SEC22A: variants seen among roughly 807,000 people sequenced by gnomAD.
The protein encoded by SEC22A is vesicle-trafficking protein SEC22a.
A neutral mutation model predicts 35.3 loss-of-function variants in SEC22A; 22 were observed. The observed-to-expected ratio is 0.62, with a 90% CI of 0.45 to 0.89. The LOEUF (loss-of-function observed/expected upper bound fraction) is 0.89, where lower values mean the gene tolerates loss of function less well. Among genes scored for constraint, SEC22A ranks in the 40% least tolerant of loss-of-function variants. SEC22A has a pLI of 0.00. For synonymous variants in SEC22A, 119 were observed against 129.5 expected, an observed-to-expected ratio of 0.92 and a Z score of 0.55; for missense variants, 354 against 362.5, an observed-to-expected ratio of 0.98 and a Z score of 0.19.
At chr3:123,260,142 A>AAAAAAAAAAAAAAC (rs1937851942) in intron 6 of SEC22A, among the ~76,000 whole-genome samples, 7 of 83,794 alleles carry the variant, frequency 8.4e-5, no homozygotes, top group South Asian at 3.8e-4. Flanking sequence ...AAAAAAAAAA[A>AAAAAAAAAAAAAAC]AAAAAAAAAA....
chr3:123,259,302 G>A (rs1937821579), intron 5 of SEC22A, among the ~76,000 whole-genome samples: 1 of 151,954 alleles, frequency 6.6e-6, no homozygotes, highest in African/African-American at 2.4e-5. Flanking sequence ...GAAATTGATG[G>A]GGGTGGCCAA....
At chr3:123,228,441 G>A (rs1001911941) in intron 4 of SEC22A, among the ~76,000 whole-genome samples, 1 of 151,160 alleles carries the variant, frequency 6.6e-6, no homozygotes, top group Non-Finnish European at 1.5e-5. Context: ...TGGGCAGGGT[G>A]GCACATGCCT....
At chr3:123,236,597 ATTG>A (rs1442478572) in intron 4 of SEC22A, among the ~76,000 whole-genome samples, 1 of 152,002 alleles carries the variant, frequency 6.6e-6, no homozygotes, top group African/African-American at 2.4e-5. Flanking sequence ...TTTGAATCAT[ATTG>A]TTCTCTAAAA....
At chr3:123,255,283 T>G (rs935886480) in intron 5 of SEC22A, among the ~76,000 whole-genome samples, 2 of 152,208 alleles carry the variant, frequency 1.3e-5, no homozygotes, top group Non-Finnish European at 2.9e-5. Flanking sequence ...TTGTTTTGTT[T>G]TGTTTTGTTT....
intron 1 of SEC22A, among the ~76,000 whole-genome samples, chr3:123,203,478 A>G (rs920994420): frequency 1.3e-5 from 2 of 152,198 alleles, no homozygotes; most frequent in African/African-American, 4.8e-5. Context: ...GATAGATACT[A>G]TTGTCATCTT....
intron 2 of SEC22A, among the ~76,000 whole-genome samples, chr3:123,219,709 G>T (rs539011975): frequency 3.3e-5 from 5 of 152,178 alleles, no homozygotes; most frequent in Non-Finnish European, 7.3e-5. Flanking sequence ...CCTCAAGGCA[G>T]ATAGACATCC....
intron 4 of SEC22A, among the ~76,000 whole-genome samples, chr3:123,243,081 C>T (rs537023476): frequency 6.6e-6 from 1 of 152,230 alleles, no homozygotes; most frequent in South Asian, 2.1e-4. Context: ...TATTTCTCCC[C>T]ACTTGTCACA....
chr3:123,250,033 T>C (rs1280828328), intron 5 of SEC22A, among the ~76,000 whole-genome samples: 1 of 152,224 alleles, frequency 6.6e-6, no homozygotes, highest in Admixed American at 6.5e-5. Flanking sequence ...TGGAACTCTC[T>C]GCTTAATTTT....
intron 5 of SEC22A, among the ~76,000 whole-genome samples, chr3:123,252,170 T>G (rs1937622453): frequency 6.6e-6 from 1 of 152,226 alleles, no homozygotes. Context: ...CAACTTGTAT[T>G]GGATAAAATA....
At chr3:123,263,854 T>G (rs1477671105) in intron 6 of SEC22A, among the ~76,000 whole-genome samples, 1 of 152,136 alleles carries the variant, frequency 6.6e-6, no homozygotes, top group East Asian at 1.9e-4. Flanking sequence ...GCATAATCAA[T>G]TATTTGTTGC....
rs1053482641 is a variant in SEC22A, at chr3:123,272,881, A to C, written c.*1159A>C. On this transcript the variant is annotated 3_prime_UTR_variant, in exon 7 of 7. Coordinates refer to ENST00000492595, the MANE Select transcript of SEC22A (RefSeq NM_012430.5). ...GAATCAGAAGGTGGCTTTCCTAGCA[A>C]CTCATTATTTTATGGCTTTGAGGAA... 3 of 153,756 alleles carry C rather than the reference A, an allele frequency of 2.0e-5. No homozygotes were observed. The highest frequency in any genetic ancestry group is 1.5e-5 in the Non-Finnish European group (1 of 68,034). The allele number at this position is 153,756 out of a possible 1,614,324, so 9.5% of individuals were successfully genotyped here.
In SEC22A at chr3:123,223,550, A is replaced by G. The variant is rs1377951921; in HGVS notation, c.183-9A>G. 6.2e-7 allele frequency: 1 copy of G among 1,608,632 alleles called. No individual in the cohort carries two copies. Among genetic ancestry groups the G allele is most frequent in the Non-Finnish European group, 8.5e-7 (1 of 1,177,036 alleles). On this transcript the variant is annotated splice_polypyrimidine_tract_variant and intron_variant, in intron 2 of 6. Transcript: ENST00000492595. ...TGAAATTTTAAAACCAATGTTTTTTACACTGTAGTTTTATTAGCTCTCTGG... is the reference window on the plus strand; with the variant it reads ...TGAAATTTTAAAACCAATGTTTTTTGCACTGTAGTTTTATTAGCTCTCTGG...
At chr3:123,220,681 C>G (rs1937104493) in intron 2 of SEC22A, among the ~76,000 whole-genome samples, 1 of 151,694 alleles carries the variant, frequency 6.6e-6, no homozygotes, top group Non-Finnish European at 1.5e-5. Flanking sequence ...TTACAACTTG[C>G]ACTTTGAAAA....
At chr3:123,252,767 C>G (rs963601409) in intron 5 of SEC22A, among the ~76,000 whole-genome samples, 6 of 152,160 alleles carry the variant, frequency 3.9e-5, no homozygotes, top group African/African-American at 1.4e-4. Flanking sequence ...TTAACTGCCT[C>G]ACAGGGTGAT....
At chr3:123,217,538 A>AT (rs11434468) in intron 2 of SEC22A, among the ~76,000 whole-genome samples, 29,769 of 151,900 alleles carry the variant, frequency 0.2, 3,024 homozygotes, top group Middle Eastern at 0.28. Flanking sequence ...TACTTGGCAA[A>AT]TTTAACAGTA....
intron 1 of SEC22A, among the ~76,000 whole-genome samples, chr3:123,205,912 C>T (rs539895467): frequency 1.8e-4 from 28 of 152,130 alleles, no homozygotes; most frequent in Non-Finnish European, 2.8e-4. Flanking sequence ...GTTTGGTAAA[C>T]GAATGGAACT....
intron 3 of SEC22A, 73 bp from the exon 4 acceptor site, chr3:123,225,030 T>A: frequency 4.3e-6 from 4 of 937,544 alleles, no homozygotes; most frequent in Non-Finnish European, 6.4e-6. Flanking sequence ...ATATTTACTA[T>A]CCATAAACAT....
In SEC22A at chr3:123,271,659, A is replaced by T; in HGVS notation, c.861A>T (p.Ala287=). Residue 287 remains alanine (A), a synonymous_variant, in exon 7 of 7, where the codon GCA becomes GCT. Coordinates refer to ENST00000492595, the MANE Select transcript of SEC22A (RefSeq NM_012430.5). ...TTTTCTTTCATGTGACTGTGGGAGCATTTGTTACACTACAGATCTGGCTAA... is the reference window on the plus strand; with the variant it reads ...TTTTCTTTCATGTGACTGTGGGAGCTTTTGTTACACTACAGATCTGGCTAA... The part of the protein sequence containing the change: ...WQLFFHVTVG[A]FVTLQIWLRQ... The T allele has an allele frequency of 6.2e-7, 1 of 1,614,166 alleles. No homozygotes were observed. The highest frequency in any genetic ancestry group is 8.5e-7 in the Non-Finnish European group (1 of 1,180,030).
rs1938183503 is a variant in SEC22A at position 123,272,136 on chromosome 3, T to G, written c.*414T>G. On this transcript the variant is annotated 3_prime_UTR_variant, in exon 7 of 7. Transcript: ENST00000492595. ...AGACCAAATAAAAAGCTGCAGAAAT[T>G]GGAAAGTTTATGTTTTAAATAAATG... 6.2e-6 allele frequency: 1 copy of G among 160,052 alleles called. No homozygotes were observed. Among genetic ancestry groups the G allele is most frequent in the Admixed American group, 6.3e-5 (1 of 15,968 alleles). 9.9% of individuals were successfully genotyped at this position (160,052 alleles called of 1,614,324 possible).
Sources: gnomAD v4.1 joint callset for allele counts (sites outside exome capture counted in the v4.1 genomes callset) on GRCh38, gnomAD v4.1.1 for gene constraint, MANE v1.5 for transcripts, NCBI Gene and HGNC (gene_info 2026-07-23, HGNC 2026-07-21) for gene names.